The following FHOD3 variants were observed in gnomAD, a reference collection of about 807,000 sequenced individuals.
FHOD3 encodes formin homology 2 domain containing 3.
Under a neutral mutation model 173.0 loss-of-function variants are expected in FHOD3, and 90 were observed. The ratio of observed to expected loss-of-function variants is 0.52; its 90% CI spans 0.44 to 0.62. The LOEUF is 0.62. Among genes scored for constraint, FHOD3 ranks in the 20% least tolerant of loss-of-function variants. FHOD3 has a pLI of 0.00. For synonymous variants in FHOD3, 828 were observed against 823.0 expected (o/e 1.01, Z -0.10); for missense variants, 1,945 against 2,034.7 (o/e 0.96, Z 0.85).
chr18:36,314,833 C>T (rs1175252243), intron 1 of FHOD3, among the ~76,000 whole-genome samples: 3 of 152,138 alleles, frequency 2.0e-5, no homozygotes, highest in African/African-American at 7.2e-5. Context: ...TATTAGAGTA[C>T]ATTAGGTCAA....
chr18:36,334,264 A>G (rs565531143), intron 1 of FHOD3, among the ~76,000 whole-genome samples: 7 of 152,370 alleles, frequency 4.6e-5, no homozygotes, highest in Admixed American at 2.6e-4. Context: ...TCATTAGGAA[A>G]AAAATGGGAC....
chr18:36,658,132 T>A lies in FHOD3; in HGVS notation c.1779T>A (p.Ser593Arg). The A allele has an allele frequency of 6.3e-7, 1 of 1,596,996 alleles. No homozygotes were observed. Among genetic ancestry groups the A allele is most frequent in the South Asian group, 1.1e-5 (1 of 89,144 alleles). ...YHSSRPSSGS[S>R]VPTTPTSSVS... ...CCTCAAGACCCTCATCTGGATCCAG[T>A]GTGCCCACCACCCCCACATCATCCG... Residue 593 changes from serine to arginine, a missense_variant, in exon 14 of 29, where the codon AGT becomes AGA. Physicochemically the swap from Ser to Arg is moderately radical, Grantham distance 110. Around this residue, in one of 5 missense-constraint regions of FHOD3, gnomAD observed 1,099 missense variants for 1,051.2 expected, o/e 1.05. Transcript: ENST00000590592.
intron 14 of FHOD3, 65 bp downstream of exon 14, chr18:36,658,253 T>A: frequency 8.6e-7 from 1 of 1,158,280 alleles, no homozygotes; most frequent in South Asian, 1.5e-5. Flanking sequence ...TTTGGTTAAG[T>A]GTGGTTAAAG....
chr18:36,719,466 C>G (rs928466558), intron 19 of FHOD3, among the ~76,000 whole-genome samples: 12 of 152,170 alleles, frequency 7.9e-5, no homozygotes, highest in African/African-American at 2.9e-4. Flanking sequence ...ATCTAATTCC[C>G]TACATTAGTA....
At chr18:36,464,105 A>G (rs528521420) in intron 3 of FHOD3, among the ~76,000 whole-genome samples, 5 of 152,310 alleles carry the variant, frequency 3.3e-5, no homozygotes, top group Admixed American at 2.6e-4. Flanking sequence ...TATGCTTCCA[A>G]TAGCTGACAT....
At chr18:36,555,682 A>G (rs919199927) in intron 5 of FHOD3, among the ~76,000 whole-genome samples, 3 of 152,062 alleles carry the variant, frequency 2.0e-5, no homozygotes, top group African/African-American at 7.2e-5. Flanking sequence ...CTTTAGTTCT[A>G]TCAATTTCTG....
chr18:36,476,764 C>A (rs982955021), intron 3 of FHOD3, among the ~76,000 whole-genome samples: 1 of 152,216 alleles, frequency 6.6e-6, no homozygotes, highest in Admixed American at 6.5e-5. Context: ...CCCACATCAA[C>A]TGTTCTTAAG....
intron 24 of FHOD3, among the ~76,000 whole-genome samples, chr18:36,747,924 T>G (rs1242014153): frequency 6.6e-6 from 1 of 152,306 alleles, no homozygotes; most frequent in Admixed American, 6.5e-5. Flanking sequence ...CTGCCTTTCC[T>G]TTCTTTCCTC....
intron 6 of FHOD3, among the ~76,000 whole-genome samples, 194 bp from the exon 7 acceptor site, chr18:36,594,593 C>A: frequency 6.6e-6 from 1 of 152,070 alleles, no homozygotes; most frequent in Admixed American, 6.6e-5. Context: ...TCCTCATCTG[C>A]ACAATGGGGA....
intron 5 of FHOD3, among the ~76,000 whole-genome samples, chr18:36,558,486 A>G (rs377536732): frequency 2.0e-5 from 3 of 152,230 alleles, no homozygotes; most frequent in East Asian, 1.9e-4. Flanking sequence ...GCAAACATTT[A>G]TATTTAAAAT....
At chr18:36,372,487 C>T (rs1568185029) in intron 2 of FHOD3, among the ~76,000 whole-genome samples, 193 bp from the exon 3 acceptor site, 1 of 152,204 alleles carries the variant, frequency 6.6e-6, no homozygotes, top group South Asian at 2.1e-4. Flanking sequence ...CAAAGTCAGA[C>T]TTCTTTATTT....
intron 8 of FHOD3, among the ~76,000 whole-genome samples, chr18:36,611,065 C>T (rs1394407060): frequency 6.6e-6 from 1 of 152,134 alleles, no homozygotes; most frequent in African/African-American, 2.4e-5. Flanking sequence ...TCAGCTTTTT[C>T]TTTCTTGGTT....
At chr18:36,534,044 T>C (rs2146936423) in intron 5 of FHOD3, among the ~76,000 whole-genome samples, 1 of 152,300 alleles carries the variant, frequency 6.6e-6, no homozygotes. Flanking sequence ...TGACCCATCC[T>C]GTTTGTGGAC....
At chr18:36,529,763 G>A (rs2056699155) in intron 5 of FHOD3, among the ~76,000 whole-genome samples, 1 of 152,114 alleles carries the variant, frequency 6.6e-6, no homozygotes, top group South Asian at 2.1e-4. Context: ...TCGCGCCACT[G>A]CACTCCAGCC....
At chr18:36,377,635 A>G (rs760472271) in intron 3 of FHOD3, among the ~76,000 whole-genome samples, 3 of 152,156 alleles carry the variant, frequency 2.0e-5, no homozygotes, top group Non-Finnish European at 4.4e-5. Context: ...TGAGGCCTGA[A>G]TGGTGATGCG....
In FHOD3 at chr18:36,456,900, T is replaced by A. The variant is rs115181588; in HGVS notation, c.338-45032T>A. ...GAGTCTGAGAAGAAAAACATTGATG[T>A]CTAAGTATTCACCTTTTAAGGAATC... is the stretch of plus-strand genomic sequence containing the variant. On this transcript the variant is annotated intron_variant, in intron 3 of 28. Transcript: ENST00000590592. Among the ~76,000 whole-genome samples, 894 of 152,252 alleles carry A rather than the reference T, an allele frequency of 5.9e-3. 7 individuals carry two copies. Among genetic ancestry groups the A allele is most frequent in the African/African-American group, 0.02 (813 of 41,514 alleles).
At chr18:36,551,929 G>A (rs28855487) in intron 5 of FHOD3, among the ~76,000 whole-genome samples, 25,271 of 152,084 alleles carry the variant, frequency 0.17, 2,282 homozygotes, top group Admixed American at 0.25. Flanking sequence ...GTCAGGTAGC[G>A]TGATGCCTCC....
At chr18:36,636,461 A>G (rs905995736) in intron 10 of FHOD3, among the ~76,000 whole-genome samples, 2 of 152,172 alleles carry the variant, frequency 1.3e-5, no homozygotes, top group Non-Finnish European at 2.9e-5. Flanking sequence ...GAAGATGTAC[A>G]TTGAAGAGGC....
intron 1 of FHOD3, among the ~76,000 whole-genome samples, chr18:36,300,020 C>T (rs986267500): frequency 3.2e-4 from 48 of 152,280 alleles, no homozygotes; most frequent in African/African-American, 1.0e-3. Context: ...ATTGGATGAT[C>T]CACCTTGATA....
Sources: allele counts gnomAD v4.1 joint callset (sites outside exome capture counted in the v4.1 genomes callset), GRCh38; gene constraint gnomAD v4.1.1; regional missense constraint gnomAD v4.1.1; transcripts MANE v1.5; gene names NCBI Gene and HGNC (gene_info 2026-07-23, HGNC 2026-07-21).